C2CD2: variants seen among roughly 807,000 people sequenced by gnomAD.
The protein encoded by C2CD2 is C2 calcium dependent domain containing 2, also known as C2 domain-containing protein 2.
A neutral mutation model predicts 74.3 loss-of-function variants in C2CD2; 43 were observed. That is an observed-to-expected ratio of 0.58 (90% CI 0.45 to 0.75). The LOEUF (loss-of-function observed/expected upper bound fraction) is 0.75. C2CD2 is among the 30% of genes least tolerant of loss of function. C2CD2 has a pLI of 0.00. For missense variants in C2CD2, 801 were observed against 916.3 expected, an observed-to-expected ratio of 0.87 and a Z score of 1.63; for synonymous variants, 422 against 390.7, an observed-to-expected ratio of 1.08 and a Z score of -0.94.
Position 41,931,595 on chromosome 21 carries a change from TG to T in C2CD2, c.379-9511del, listed in dbSNP as rs2065261915. Among the ~76,000 whole-genome samples, 2 of 149,834 alleles carry T rather than the reference TG, an allele frequency of 1.3e-5. 1 individual carries two copies. Among genetic ancestry groups the T allele is most frequent in the Non-Finnish European group, 3.0e-5 (2 of 66,832 alleles). On this transcript the variant is annotated intron_variant, in intron 2 of 13. Coordinates refer to ENST00000380486, the MANE Select transcript of C2CD2 (RefSeq NM_015500.2). Reference sequence around the variant, plus strand: ...GTGCCACCACGCCCAGCTAATTTTTTGTATGTTAGTAGAGACGGGGTTTCAC... The same window carrying T: ...GTGCCACCACGCCCAGCTAATTTTTTTATGTTAGTAGAGACGGGGTTTCAC...
intron 1 of C2CD2, among the ~76,000 whole-genome samples, chr21:41,942,682 A>C (rs1175354427): frequency 6.6e-6 from 1 of 152,202 alleles, no homozygotes; most frequent in Non-Finnish European, 1.5e-5. Flanking sequence ...TGCTAGGGAC[A>C]GTCCTCTATT....
chr21:41,951,017 C>T (rs565243024), intron 1 of C2CD2, among the ~76,000 whole-genome samples: 1 of 152,128 alleles, frequency 6.6e-6, no homozygotes, highest in East Asian at 1.9e-4. Flanking sequence ...GGAGTGTCAG[C>T]CCTAATCCGG....
intron 6 of C2CD2, among the ~76,000 whole-genome samples, chr21:41,914,386 C>T (rs866274339): frequency 1.4e-4 from 22 of 152,186 alleles, no homozygotes; most frequent in Admixed American, 3.9e-4. Flanking sequence ...TCCTTTCCCT[C>T]CTTGGCCTTC....
chr21:41,928,949 G>T (rs1157206771), intron 2 of C2CD2, among the ~76,000 whole-genome samples: 1 of 151,078 alleles, frequency 6.6e-6, no homozygotes, highest in Non-Finnish European at 1.5e-5. Context: ...TGTGGTGGGG[G>T]CACGAGCTTA....
At chr21:41,897,781 G>A (rs1167347928) in intron 13 of C2CD2, among the ~76,000 whole-genome samples, 1 of 152,212 alleles carries the variant, frequency 6.6e-6, no homozygotes, top group Non-Finnish European at 1.5e-5. Flanking sequence ...AGGGGAAGAG[G>A]ACAGACTCAG....
intron 10 of C2CD2, among the ~76,000 whole-genome samples, chr21:41,906,782 G>A (rs923416964): frequency 1.3e-5 from 2 of 152,164 alleles, no homozygotes; most frequent in African/African-American, 4.8e-5. Flanking sequence ...TCAGTTTATT[G>A]CATATGTGTT....
At chr21:41,925,321 T>TAA (rs61121128) in intron 2 of C2CD2, among the ~76,000 whole-genome samples, 33,905 of 147,534 alleles carry the variant, frequency 0.23, 4,490 homozygotes, top group East Asian at 0.56. Context: ...CTCCATCTCT[T>TAA]AAAAAAAAAA....
chr21:41,928,567 A>AAAAAAC (rs2065236384), intron 2 of C2CD2, among the ~76,000 whole-genome samples: 1 of 138,388 alleles, frequency 7.2e-6, no homozygotes, highest in Non-Finnish European at 1.6e-5. Flanking sequence ...AAAAAAAAAA[A>AAAAAAC]AGACAACTGA....
chr21:41,953,194 C>G lies in C2CD2; in HGVS notation c.279+176G>C, dbSNP rs866108549. On this transcript the variant is annotated intron_variant, in intron 1 of 13. Coordinates refer to ENST00000380486, the MANE Select transcript of C2CD2 (RefSeq NM_015500.2). Reference sequence around the variant, plus strand: ...AAATCAATCACTTTGTCTTGTCTCTCCGTCAAGGGGCCTCGCTCCCCCGTC... The same window carrying G: ...AAATCAATCACTTTGTCTTGTCTCTGCGTCAAGGGGCCTCGCTCCCCCGTC... 1.2e-5 allele frequency: 5 copies of G among 415,740 alleles called. No homozygotes were observed. In the South Asian group the frequency reaches 4.3e-4, roughly 36 times the overall value. 25.8% of individuals were successfully genotyped at this position (415,740 alleles called of 1,614,324 possible).
At chr21:41,896,027 GC>G (rs376613536) in intron 13 of C2CD2, among the ~76,000 whole-genome samples, 30 of 152,296 alleles carry the variant, frequency 2.0e-4, no homozygotes, top group African/African-American at 7.2e-4. Context: ...CACCTGATAG[GC>G]CCTGTACAAC....
Position 41,907,786 on chromosome 21 carries a change from T to C in C2CD2, c.1019-2A>G, listed in dbSNP as rs146123360. ...GAACTGTCGCCGTCGCCAGCAGACCTGAAAAGATAGGAGACAGGCAAGGGG... is the reference window on the plus strand; with the variant it reads ...GAACTGTCGCCGTCGCCAGCAGACCCGAAAAGATAGGAGACAGGCAAGGGG... On this transcript the variant is annotated splice_acceptor_variant, in intron 8 of 13. Coordinates refer to ENST00000380486, the MANE Select transcript of C2CD2 (RefSeq NM_015500.2). LOFTEE classifies it high-confidence loss of function. 2.5e-6 allele frequency: 4 copies of C among 1,613,790 alleles called. No homozygotes were observed. Among genetic ancestry groups the C allele is most frequent in the Non-Finnish European group, 3.4e-6 (4 of 1,179,962 alleles).
chr21:41,936,448 T>C (rs957773671), intron 2 of C2CD2, among the ~76,000 whole-genome samples: 1 of 152,218 alleles, frequency 6.6e-6, no homozygotes, highest in African/African-American at 2.4e-5. Flanking sequence ...TAACAAGTGC[T>C]GGTAAGGATG....
In C2CD2 at chr21:41,931,233, T is replaced by C. The variant is rs1194831967; in HGVS notation, c.379-9148A>G. Reference sequence around the variant, plus strand: ...ACAGCAGCCGTGGGCAGGAGCGTGCTTCCACACCCGGTCTGAGCAGATACC... The same window carrying C: ...ACAGCAGCCGTGGGCAGGAGCGTGCCTCCACACCCGGTCTGAGCAGATACC... On this transcript the variant is annotated intron_variant, in intron 2 of 13. Coordinates refer to ENST00000380486, the MANE Select transcript of C2CD2 (RefSeq NM_015500.2). Among the ~76,000 whole-genome samples, 3 of 150,220 alleles carry C rather than the reference T, an allele frequency of 2.0e-5. 1 individual carries two copies. The highest frequency in any genetic ancestry group is 4.5e-5 in the Non-Finnish European group (3 of 66,982).
intron 5 of C2CD2, among the ~76,000 whole-genome samples, chr21:41,915,528 C>T (rs2065079836): frequency 6.6e-6 from 1 of 152,096 alleles, no homozygotes; most frequent in African/African-American, 2.4e-5. Context: ...CCTCTGCCTC[C>T]TGGGTGCAAG....
Position 41,926,495 on chromosome 21 carries a change from G to T in C2CD2, c.379-4410C>A. 1.4e-6 allele frequency: 1 copy of T among 717,012 alleles called. No individual in the cohort carries two copies. Among genetic ancestry groups the T allele is most frequent in the Non-Finnish European group, 1.7e-6 (1 of 584,704 alleles). The allele number at this position is 717,012 out of a possible 1,614,324, so 44.4% of individuals were successfully genotyped here. ...AACAAGACTGAAGGCTGAAGAGCAG[G>T]CTGAGCGGGGAGGCCTTCATTCACC... On this transcript the variant is annotated intron_variant, in intron 2 of 13. Transcript: ENST00000380486. The surrounding 1 kb of genome is among the most constrained non-coding windows in gnomAD (Gnocchi z 8.0).
intron 1 of C2CD2, among the ~76,000 whole-genome samples, chr21:41,952,106 T>C (rs1451453189): frequency 6.6e-6 from 1 of 152,218 alleles, no homozygotes; most frequent in African/African-American, 2.4e-5. Flanking sequence ...AAGAGACAGC[T>C]GGTTTCCCTG....
intron 2 of C2CD2, 131 bp from the exon 3 acceptor site, chr21:41,922,216 T>C: frequency 1.6e-6 from 1 of 609,066 alleles, no homozygotes; most frequent in Non-Finnish European, 2.9e-6. Context: ...TGGAGTGCAG[T>C]GGCGCGATCT....
At chr21:41,896,007 C>T (rs1410267204) in intron 13 of C2CD2, among the ~76,000 whole-genome samples, 2 of 152,162 alleles carry the variant, frequency 1.3e-5, no homozygotes, top group Non-Finnish European at 2.9e-5. Context: ...GGTACCAGAG[C>T]GAGCGCCCTC....
intron 13 of C2CD2, among the ~76,000 whole-genome samples, 167 bp downstream of exon 13, chr21:41,898,886 G>A (rs1485120891): frequency 1.3e-5 from 2 of 152,192 alleles, no homozygotes; most frequent in Non-Finnish European, 2.9e-5. Context: ...GCCCCACCAC[G>A]GGTTCAAACA....
Sources: allele counts gnomAD v4.1 joint callset (sites outside exome capture counted in the v4.1 genomes callset), GRCh38; gene constraint gnomAD v4.1.1; non-coding constraint Gnocchi (gnomAD v3.1); transcripts MANE v1.5; gene names NCBI Gene and HGNC (gene_info 2026-07-23, HGNC 2026-07-21).